Variants in ATP10B observed in about 807,000 individuals in gnomAD.
ATP10B encodes phospholipid-transporting ATPase VB.
Under a neutral mutation model 141.2 loss-of-function variants are expected in ATP10B, and 122 were observed. The observed-to-expected ratio is 0.86, with a 90% CI of 0.75 to 1.00. The LOEUF is 1.00. Among genes scored for constraint, ATP10B ranks in the 50% least tolerant of loss-of-function variants. The pLI is 0.00. For missense variants in ATP10B, 1,876 were observed against 1,825.3 expected, an observed-to-expected ratio of 1.03 and a Z score of -0.51; for synonymous variants, 685 against 692.0, an observed-to-expected ratio of 0.99 and a Z score of 0.16.
intron 2 of ATP10B, among the ~76,000 whole-genome samples, chr5:160,763,222 T>A (rs963780775): frequency 7.2e-5 from 11 of 152,116 alleles, no homozygotes; most frequent in African/African-American, 2.7e-4. Flanking sequence ...ACTTAACAGA[T>A]ATTTAAGAAC....
intron 7 of ATP10B, among the ~76,000 whole-genome samples, chr5:160,659,624 T>C (rs1201445243): frequency 6.6e-6 from 1 of 151,854 alleles, no homozygotes; most frequent in Non-Finnish European, 1.5e-5. Context: ...ATTGTGTGGG[T>C]GTGTGAGGAG....
At position 160,632,205 on chromosome 5, in the gene ATP10B, A is replaced by C. The variant is rs754298651; in HGVS notation, c.1544T>G (p.Ile515Ser). The C allele has an allele frequency of 6.2e-7, 1 of 1,614,146 alleles. No individual in the cohort carries two copies. Among genetic ancestry groups the C allele is most frequent in the Middle Eastern group, 1.6e-4 (1 of 6,062 alleles). The change falls in exon 13 of 26, where the codon ATC becomes AGC. Residue 515 changes from isoleucine to serine, a missense_variant. Coordinates refer to ENST00000327245, the MANE Select transcript of ATP10B (RefSeq NM_025153.3). ...AGACCTTTGCCGGTAGTGGCCCTGG[A>C]TGGGCACCCGGGCACTCTGGCTCCT... ...LRRSQSARVP[I>S]QGHYRQRSMG...
intron 7 of ATP10B, among the ~76,000 whole-genome samples, chr5:160,656,167 T>G (rs1426063869): frequency 6.6e-6 from 1 of 152,250 alleles, no homozygotes; most frequent in East Asian, 1.9e-4. Context: ...AATAAATATA[T>G]GAATGATCTT....
chr5:160,673,007 G>T (rs1762807008), intron 6 of ATP10B, among the ~76,000 whole-genome samples: 1 of 152,182 alleles, frequency 6.6e-6, no homozygotes, highest in Non-Finnish European at 1.5e-5. Flanking sequence ...AATAAACAGG[G>T]ACATTGGAAT....
At chr5:160,687,690 A>C (rs930130821) in intron 5 of ATP10B, 110 bp downstream of exon 5, 3 of 1,254,248 alleles carry the variant, frequency 2.4e-6, no homozygotes, top group Admixed American at 4.5e-5. Context: ...CCTTGAACCC[A>C]GGAGGTGAAG....
At chr5:160,869,135 T>C in the ATP10B span, among the ~76,000 whole-genome samples, 1 of 152,176 alleles carries the variant, frequency 6.6e-6, no homozygotes, top group Non-Finnish European at 1.5e-5. Flanking sequence ...TGTATATAAA[T>C]ATATGTAAAT....
At chr5:160,919,042 G>A in the ATP10B span, among the ~76,000 whole-genome samples, 25 of 150,416 alleles carry the variant, frequency 1.7e-4, no homozygotes, top group East Asian at 2.0e-3. Flanking sequence ...TGGCTAACAC[G>A]GTGAAACCCC....
intron 3 of ATP10B, 104 bp downstream of exon 3, chr5:160,716,805 T>C (rs1765687570): frequency 1.3e-6 from 1 of 783,250 alleles, no homozygotes; most frequent in South Asian, 5.8e-5. Context: ...GTTTCCATCA[T>C]CAAGGTGGTG....
chr5:160,822,352 G>C (rs181630112), intron 1 of ATP10B, among the ~76,000 whole-genome samples: 1 of 152,062 alleles, frequency 6.6e-6, no homozygotes, highest in Non-Finnish European at 1.5e-5. Flanking sequence ...TTAACCAAAA[G>C]CCAAAATAAG....
intron 7 of ATP10B, among the ~76,000 whole-genome samples, chr5:160,662,246 A>G (rs1229896191): frequency 6.6e-6 from 1 of 152,222 alleles, no homozygotes; most frequent in Non-Finnish European, 1.5e-5. Context: ...ATTCAATGCC[A>G]TCCCCATCAA....
intron 1 of ATP10B, among the ~76,000 whole-genome samples, chr5:160,790,289 G>A (rs933615257): frequency 2.6e-5 from 4 of 152,136 alleles, no homozygotes; most frequent in African/African-American, 7.2e-5. Flanking sequence ...TTGTAAAGAA[G>A]TTGTTCTTTG....
At chr5:160,788,764 T>C (rs1365050310) in intron 1 of ATP10B, among the ~76,000 whole-genome samples, 2 of 152,150 alleles carry the variant, frequency 1.3e-5, no homozygotes, top group Non-Finnish European at 2.9e-5. Context: ...CTGTGCTGAC[T>C]AGTTGTGTGC....
intron 13 of ATP10B, among the ~76,000 whole-genome samples, chr5:160,628,680 G>A (rs772273375): frequency 1.3e-5 from 2 of 152,124 alleles, no homozygotes; most frequent in Non-Finnish European, 2.9e-5. Flanking sequence ...TTATGATTAG[G>A]AAGATATTCT....
chr5:160,824,797 A>T (rs73305822), intron 1 of ATP10B, among the ~76,000 whole-genome samples: 5,860 of 152,220 alleles, frequency 0.038, 130 homozygotes, highest in South Asian at 0.089. Context: ...ATTGTTATGC[A>T]ATGCATGACT....
intron 5 of ATP10B, chr5:160,687,062 A>G: frequency 3.6e-6 from 2 of 549,510 alleles, no homozygotes; most frequent in Non-Finnish European, 4.6e-6. Flanking sequence ...ATCCCTTTTC[A>G]CTCAGGTAAT....
At chr5:160,886,915 G>A in the ATP10B span, among the ~76,000 whole-genome samples, 3 of 152,120 alleles carry the variant, frequency 2.0e-5, no homozygotes, top group Admixed American at 2.0e-4. Flanking sequence ...CTCCATTAAA[G>A]GGAAAAACCT....
At chr5:160,596,752 GACAA>G (rs1039535506) in intron 22 of ATP10B, among the ~76,000 whole-genome samples, 163 of 152,146 alleles carry the variant, frequency 1.1e-3, no homozygotes, top group Non-Finnish European at 1.6e-3. Context: ...ACCAATAACA[GACAA>G]ACAGAGAGCC....
the ATP10B span, among the ~76,000 whole-genome samples, chr5:160,886,914 AG>A: frequency 2.0e-5 from 3 of 152,236 alleles, no homozygotes; most frequent in African/African-American, 7.2e-5. Context: ...GCTCCATTAA[AG>A]GGAAAAACCT....
the ATP10B span, among the ~76,000 whole-genome samples, chr5:160,904,955 A>G: frequency 1.3e-5 from 2 of 152,242 alleles, no homozygotes; most frequent in African/African-American, 2.4e-5. Flanking sequence ...GGGGAGACTG[A>G]GGCCCAAAGA....
Sources: gnomAD v4.1 joint callset for allele counts (sites outside exome capture counted in the v4.1 genomes callset) on GRCh38, gnomAD v4.1.1 for gene constraint, MANE v1.5 for transcripts, NCBI Gene and HGNC (gene_info 2026-07-23, HGNC 2026-07-21) for gene names.